GREB1L: variants seen among roughly 807,000 people sequenced by gnomAD.
The protein encoded by GREB1L is GREB1 like retinoic acid receptor coactivator.
GREB1L carries 17 observed loss-of-function variants against 200.8 expected under a neutral mutation model. The ratio of observed to expected loss-of-function variants is 0.08; its 90% CI spans 0.06 to 0.13. The LOEUF (loss-of-function observed/expected upper bound fraction) is 0.13, where lower values mean the gene tolerates loss of function less well. GREB1L is among the 10% of genes least tolerant of loss of function. The pLI, the probability that GREB1L is intolerant of heterozygous loss-of-function variation, is 1.00. For missense variants in GREB1L, 1,657 were observed against 2,367.7 expected (o/e 0.70, Z 6.23); for synonymous variants, 789 against 893.0 (o/e 0.88, Z 2.08).
At chr18:21,393,591 G>T (rs550742039) in intron 4 of GREB1L, among the ~76,000 whole-genome samples, 1 of 152,274 alleles carries the variant, frequency 6.6e-6, no homozygotes, top group South Asian at 2.1e-4. Context: ...ACCATGTCCG[G>T]CTAATTTTTT....
In GREB1L at chr18:21,282,765, A is replaced by G. The variant is rs148188291; in HGVS notation, c.-120+40372A>G. Among the ~76,000 whole-genome samples, 1,302 of 152,114 alleles carry G rather than the reference A, an allele frequency of 8.6e-3. 5 individuals are homozygous for G. The highest frequency in any genetic ancestry group is 0.014 in the South Asian group (68 of 4,806). On this transcript the variant is annotated intron_variant, in intron 1 of 32. Transcript: ENST00000424526. ...TAGGCGCCTGCCACCACACGCAGCT[A>G]ATTTTTGTATTTTTAGTAGAGGCAG...
chr18:21,370,689 C>T (rs920744), intron 2 of GREB1L, among the ~76,000 whole-genome samples: 18,226 of 152,214 alleles, frequency 0.12, 2,158 homozygotes, highest in African/African-American at 0.3. Flanking sequence ...ACAGCCAAGC[C>T]TCTTAGAACT....
chr18:21,516,730 C>T lies in GREB1L; in HGVS notation c.5247C>T (p.Asp1749=), dbSNP rs961096743. The T allele has an allele frequency of 1.3e-6, 2 of 1,551,578 alleles. No homozygotes were observed. Among genetic ancestry groups the T allele is most frequent in the Non-Finnish European group, 1.7e-6 (2 of 1,146,936 alleles). Residue 1749 remains aspartate, a synonymous_variant, in exon 30 of 33, where the codon GAC becomes GAT. Coordinates refer to ENST00000424526, the MANE Select transcript of GREB1L (RefSeq NM_001142966.3). ...KKHVQVGGQR[D]FIIKPKIMVS... The stretch of plus-strand genomic sequence containing the variant: ...ATGTTCAGGTTGGAGGGCAAAGGGA[C>T]TTTATCATTAAACCAAAGATCATGG...
chr18:21,248,375 A>T (rs747279846), intron 1 of GREB1L, among the ~76,000 whole-genome samples: 1 of 152,196 alleles, frequency 6.6e-6, no homozygotes, highest in Admixed American at 6.5e-5. Flanking sequence ...TTGGCAATAC[A>T]TTTTAAAGAA....
intron 17 of GREB1L, among the ~76,000 whole-genome samples, chr18:21,478,218 G>A (rs2035785571): frequency 6.6e-6 from 1 of 152,180 alleles, no homozygotes; most frequent in African/African-American, 2.4e-5. Context: ...TAACTCCATA[G>A]TAGCAGTGAA....
At chr18:21,274,844 G>A (rs113946491) in intron 1 of GREB1L, among the ~76,000 whole-genome samples, 24,867 of 151,872 alleles carry the variant, frequency 0.16, 4,563 homozygotes, top group African/African-American at 0.45. Flanking sequence ...CTATGAGTGC[G>A]CTACTGCACT....
intron 1 of GREB1L, among the ~76,000 whole-genome samples, chr18:21,275,293 A>G (rs2038143773): frequency 6.6e-6 from 1 of 152,170 alleles, no homozygotes; most frequent in South Asian, 2.1e-4. Context: ...GAGAGAAACT[A>G]AACTAGTTGA....
Position 21,415,962 on chromosome 18 carries a change from C to T in GREB1L, c.832+11968C>T, listed in dbSNP as rs146731298. 4.6e-5 allele frequency among the ~76,000 whole-genome samples: 7 copies of T among 152,152 alleles called. No individual in the cohort carries two copies. In the East Asian group the frequency reaches 1.4e-3, roughly 29 times the overall value. The stretch of plus-strand genomic sequence containing the variant: ...ATGCCTGACATCCAGTGAAAGATTA[C>T]CAGGGTGCAAAGAGGCAAGAAAATA... On this transcript the variant is annotated intron_variant, in intron 7 of 32. Transcript: ENST00000424526.
rs187714417 is a variant in GREB1L at position 21,296,767 on chromosome 18, G to C, written c.-120+54374G>C. ...CCTCATGGGTTCAAGCAGTTCTCCT[G>C]CCTCAGCCTCCTGATTATCTGGGAC... On this transcript the variant is annotated intron_variant, in intron 1 of 32. Coordinates refer to ENST00000424526, the MANE Select transcript of GREB1L (RefSeq NM_001142966.3). Among the ~76,000 whole-genome samples the C allele has an allele frequency of 1.9e-4, 29 of 151,294 alleles. No homozygotes were observed. The East Asian group carries it at 2.1e-3, about 11-fold the overall frequency.
chr18:21,410,273 T>G (rs2144678280), intron 7 of GREB1L, among the ~76,000 whole-genome samples: 1 of 152,266 alleles, frequency 6.6e-6, no homozygotes, highest in East Asian at 1.9e-4. Flanking sequence ...GCCCTAGATA[T>G]CTTTGCCTAT....
At chr18:21,434,499 ATGTGTGTGTG>A (rs67516917) in intron 7 of GREB1L, among the ~76,000 whole-genome samples, 3 of 127,286 alleles carry the variant, frequency 2.4e-5, no homozygotes, top group East Asian at 2.2e-4. Context: ...ATATATATAT[ATGTGTGTGTG>A]TGTGTGTGTG....
At chr18:21,423,960 G>A (rs1402913963) in intron 7 of GREB1L, among the ~76,000 whole-genome samples, 1 of 152,154 alleles carries the variant, frequency 6.6e-6, no homozygotes, top group Non-Finnish European at 1.5e-5. Context: ...TGCACTTCTG[G>A]ACTATACAGA....
At chr18:21,295,232 A>G (rs1177409800) in intron 1 of GREB1L, among the ~76,000 whole-genome samples, 1 of 152,196 alleles carries the variant, frequency 6.6e-6, no homozygotes. Flanking sequence ...CCAAATTTGA[A>G]TGGGCTCCTG....
intron 7 of GREB1L, among the ~76,000 whole-genome samples, chr18:21,407,632 T>C (rs1598776126): frequency 6.6e-6 from 1 of 152,222 alleles, no homozygotes; most frequent in Non-Finnish European, 1.5e-5. Context: ...TAAAATATTT[T>C]AAACTTCATA....
At chr18:21,440,201 TCTTTC>T (rs1268828729) in intron 8 of GREB1L, 63 bp from the exon 9 acceptor site, 75 of 1,493,968 alleles carry the variant, frequency 5.0e-5, no homozygotes, top group Non-Finnish European at 6.4e-5. Context: ...ACTCTGGCGT[TCTTTC>T]CTTTCTTCCA....
Position 21,439,442 on chromosome 18 carries a change from A to T in GREB1L, c.833-79A>T, listed in dbSNP as rs978326826. 4.0e-5 allele frequency: 33 copies of T among 824,762 alleles called. No individual in the cohort carries two copies. In the African/African-American group the frequency reaches 5.4e-4, roughly 13 times the overall value. The allele number at this position is 824,762 out of a possible 1,614,324, so 51.1% of individuals were successfully genotyped here. A position where few individuals can be genotyped will look rare whatever the true frequency, so the allele number is the denominator to read the frequency against. The stretch of plus-strand genomic sequence containing the variant: ...CTTGGAATCCTAGAGTGTGAGGTCT[A>T]TCAGATGGTTCCAGCATCCCAGAAA... On this transcript the variant is annotated intron_variant, in intron 7 of 32. Transcript: ENST00000424526.
At chr18:21,399,530 T>TGGATGGATGGATGGATGG (rs2041230231) in intron 5 of GREB1L, among the ~76,000 whole-genome samples, 1 of 152,046 alleles carries the variant, frequency 6.6e-6, no homozygotes, top group South Asian at 2.1e-4. Flanking sequence ...GATGGATGGA[T>TGGATGGATGGATGGATGG]AACTTTAGTG....
chr18:21,471,620 C>CTT (rs77038675), intron 15 of GREB1L, among the ~76,000 whole-genome samples: 19 of 142,380 alleles, frequency 1.3e-4, no homozygotes, highest in Admixed American at 4.2e-4. Flanking sequence ...TCTTTTGTTT[C>CTT]TTTTTTTTTT....
At chr18:21,514,038 C>T in intron 28 of GREB1L, 52 bp downstream of exon 28, 1 of 1,455,958 alleles carries the variant, frequency 6.9e-7, no homozygotes, top group Non-Finnish European at 9.3e-7. Context: ...CAGGACAATA[C>T]ATTTCTTGAC....
Sources: allele counts gnomAD v4.1 joint callset (sites outside exome capture counted in the v4.1 genomes callset), GRCh38; gene constraint gnomAD v4.1.1; transcripts MANE v1.5; gene names NCBI Gene and HGNC (gene_info 2026-07-23, HGNC 2026-07-21).